LHPP: variants seen among roughly 807,000 people sequenced by gnomAD.
The protein encoded by LHPP is phospholysine phosphohistidine inorganic pyrophosphate phosphatase.
LHPP carries 24 observed loss-of-function variants against 30.3 expected under a neutral mutation model. That is an observed-to-expected ratio of 0.79 (90% confidence interval 0.57 to 1.11). The LOEUF is 1.11. LHPP is among the 50% of genes most tolerant of loss of function. The pLI is 0.00. For synonymous variants in LHPP, 150 were observed against 157.1 expected (o/e 0.95, Z 0.34); for missense variants, 356 against 367.2 (o/e 0.97, Z 0.25).
intron 5 of LHPP, among the ~76,000 whole-genome samples, chr10:124,509,823 C>T (rs1183571488): frequency 6.6e-6 from 1 of 152,066 alleles, no homozygotes; most frequent in Admixed American, 6.5e-5. Context: ...CTGCTGCTTC[C>T]CGCCCTAATC....
At position 124,481,696 on chromosome 10, in the gene LHPP, G is replaced by A. The variant is rs1028324424; in HGVS notation, c.126-2443G>A. ...ATGCTCTGCCTTATCTGCCCTCTCA[G>A]TGGTCCTCCACTCCAGCCTCATTTC... On this transcript the variant is annotated intron_variant, in intron 1 of 6. Transcript: ENST00000368842. 8.6e-5 allele frequency among the ~76,000 whole-genome samples: 13 copies of A among 151,966 alleles called. No homozygotes were observed. The East Asian group carries it at 2.5e-3, about 29-fold the overall frequency.
intron 3 of LHPP, among the ~76,000 whole-genome samples, chr10:124,491,038 C>T (rs1455609974): frequency 6.6e-6 from 1 of 151,818 alleles, no homozygotes; most frequent in East Asian, 1.9e-4. Flanking sequence ...GGGTTCTGCA[C>T]AGCCTAGAGT....
chr10:124,563,311 TTC>T (rs1948430436), intron 6 of LHPP, among the ~76,000 whole-genome samples: 1 of 93,710 alleles, frequency 1.1e-5, no homozygotes, highest in South Asian at 4.2e-4. Context: ...CTCTCTCTTT[TTC>T]TTTTTTTTTT....
intron 3 of LHPP, among the ~76,000 whole-genome samples, chr10:124,491,096 G>A (rs1356167251): frequency 6.7e-6 from 1 of 150,358 alleles, no homozygotes; most frequent in African/African-American, 2.5e-5. Flanking sequence ...GAATCACAGG[G>A]TTCTGCACAG....
intron 6 of LHPP, among the ~76,000 whole-genome samples, chr10:124,574,322 CG>C (rs771464092): frequency 3.5e-4 from 53 of 152,142 alleles, no homozygotes; most frequent in Non-Finnish European, 7.2e-4. Flanking sequence ...GCAGCAGGCT[CG>C]CCCCCCTGCG....
intron 6 of LHPP, among the ~76,000 whole-genome samples, chr10:124,604,666 G>T (rs1048486303): frequency 6.6e-6 from 1 of 152,170 alleles, no homozygotes; most frequent in Non-Finnish European, 1.5e-5. Flanking sequence ...TCCACCTCAT[G>T]AATCACCCTC....
intron 6 of LHPP, among the ~76,000 whole-genome samples, chr10:124,563,884 G>A (rs777356241): frequency 9.2e-5 from 14 of 152,204 alleles, no homozygotes; most frequent in Admixed American, 6.5e-4. Flanking sequence ...TGCACAGCCA[G>A]ACAGATGCTT....
chr10:124,499,514 G>T, intron 5 of LHPP, among the ~76,000 whole-genome samples: 1 of 151,982 alleles, frequency 6.6e-6, no homozygotes, highest in East Asian at 1.9e-4. Context: ...AATTAGCTGG[G>T]CGAGGTGGTG....
At chr10:124,574,478 G>T (rs529655584) in intron 6 of LHPP, among the ~76,000 whole-genome samples, 1 of 152,360 alleles carries the variant, frequency 6.6e-6, no homozygotes, top group Non-Finnish European at 1.5e-5. Flanking sequence ...ATCTGCGGGA[G>T]GTGTTGTGTG....
Position 124,523,115 on chromosome 10 carries a change from TAAAG to T in LHPP, c.716+5845_716+5848del, listed in dbSNP as rs1954649023. ...GCTAGTCCTGGTGCTGCTGTGTAAATAAAGCCGCGATGCGGAGCTCGCCTCTGGT... is the reference window on the plus strand; with the variant it reads ...GCTAGTCCTGGTGCTGCTGTGTAAATCCGCGATGCGGAGCTCGCCTCTGGT... On this transcript the variant is annotated intron_variant, in intron 6 of 6. Coordinates refer to ENST00000368842, the MANE Select transcript of LHPP (RefSeq NM_022126.4). This position sits in a 1 kb window ranked among gnomAD's most constrained non-coding sequence, Gnocchi z 4.2. 1.3e-5 allele frequency among the ~76,000 whole-genome samples: 2 copies of T among 152,326 alleles called. No homozygotes were observed. The highest frequency in any genetic ancestry group is 2.1e-4 in the South Asian group (1 of 4,828).
intron 6 of LHPP, among the ~76,000 whole-genome samples, chr10:124,540,306 G>A (rs1458169818): frequency 3.3e-5 from 5 of 152,204 alleles, no homozygotes; most frequent in Admixed American, 1.3e-4. Flanking sequence ...AGGTCCACAC[G>A]GCTGTGGGTT....
intron 6 of LHPP, among the ~76,000 whole-genome samples, chr10:124,552,722 C>G (rs1355576131): frequency 6.6e-6 from 1 of 152,150 alleles, no homozygotes; most frequent in Admixed American, 6.5e-5. Context: ...CTCCAAATTC[C>G]CCAAGGTCCC....
chr10:124,577,981 A>C (rs1948690717), intron 6 of LHPP, among the ~76,000 whole-genome samples: 1 of 152,014 alleles, frequency 6.6e-6, no homozygotes, highest in Admixed American at 6.5e-5. Flanking sequence ...GGTTTCCTCT[A>C]ACTGTGCTTT....
intron 6 of LHPP, among the ~76,000 whole-genome samples, chr10:124,605,733 A>G (rs1226594133): frequency 1.3e-5 from 2 of 151,930 alleles, no homozygotes; most frequent in Admixed American, 6.6e-5. Context: ...GATGTGGGCA[A>G]TAGGGAGCCA....
intron 6 of LHPP, among the ~76,000 whole-genome samples, chr10:124,566,201 G>C (rs868188855): frequency 9.2e-5 from 14 of 152,246 alleles, no homozygotes; most frequent in African/African-American, 3.4e-4. Flanking sequence ...CCTGGAGACC[G>C]GGCGTGTGGT....
At position 124,569,757 on chromosome 10, in the gene LHPP, G is replaced by A. The variant is rs1948554444; in HGVS notation, c.717-43507G>A. Among the ~76,000 whole-genome samples, 3 of 152,224 alleles carry A rather than the reference G, an allele frequency of 2.0e-5. No homozygotes were observed. In the South Asian group the frequency reaches 6.2e-4, roughly 32 times the overall value. ...CAGACCTGTAAGGCAGCGGAGCCGA[G>A]ATGGGGTTGATGAGTGTCACCAGTC... On this transcript the variant is annotated intron_variant, in intron 6 of 6. Transcript: ENST00000368842.
intron 5 of LHPP, among the ~76,000 whole-genome samples, chr10:124,513,747 C>G (rs1250824251): frequency 6.6e-6 from 1 of 150,716 alleles, no homozygotes; most frequent in Non-Finnish European, 1.5e-5. Context: ...TGTGCTACCA[C>G]TCCCAGCTGT....
rs1953024020 is a variant in LHPP, at chr10:124,478,539, TA to T, written c.126-5598del. ...TCCCAAGGTCACTCAGGATGTCCAA[TA>T]ATTGTCCTAACAGTTTACCTGCTGT... On this transcript the variant is annotated intron_variant, in intron 1 of 6. Transcript: ENST00000368842. This position sits in a 1 kb window ranked among gnomAD's most constrained non-coding sequence, Gnocchi z 4.7. 6.6e-6 allele frequency among the ~76,000 whole-genome samples: 1 copy of T among 152,210 alleles called. No homozygotes were observed. Among genetic ancestry groups the T allele is most frequent in the Non-Finnish European group, 1.5e-5 (1 of 68,028 alleles).
intron 1 of LHPP, among the ~76,000 whole-genome samples, chr10:124,473,117 T>C (rs1952838133): frequency 6.6e-6 from 1 of 152,078 alleles, no homozygotes; most frequent in South Asian, 2.1e-4. Context: ...GGATTATTGG[T>C]TTACCCTGCA....
Sources: gnomAD v4.1 joint callset for allele counts (sites outside exome capture counted in the v4.1 genomes callset) on GRCh38, gnomAD v4.1.1 for gene constraint, Gnocchi (gnomAD v3.1) non-coding constraint, MANE v1.5 for transcripts, NCBI Gene and HGNC (gene_info 2026-07-23, HGNC 2026-07-21) for gene names.